Variants in MAGI2 observed in about 807,000 individuals in gnomAD.
MAGI2 encodes membrane associated guanylate kinase, WW and PDZ domain containing 2, also known as membrane-associated guanylate kinase, WW and PDZ domain-containing protein 2.
A neutral mutation model predicts 133.3 loss-of-function variants in MAGI2; 35 were observed. The ratio of observed to expected loss-of-function variants is 0.26; its 90% CI spans 0.20 to 0.35. MAGI2 has a LOEUF of 0.35. Ranked by LOEUF, MAGI2 falls within the 10% of genes least tolerant of loss-of-function variation. The pLI is 1.00. For synonymous variants in MAGI2, 729 were observed against 710.6 expected (o/e 1.03, Z -0.41); for missense variants, 1,636 against 1,863.4 (o/e 0.88, Z 2.25).
At chr7:78,491,687 C>T (rs1793617926) in intron 5 of MAGI2, among the ~76,000 whole-genome samples, 5 of 151,986 alleles carry the variant, frequency 3.3e-5, no homozygotes, top group Non-Finnish European at 7.4e-5. Flanking sequence ...TCATCTGGTT[C>T]TGGCCCTCGT....
intron 2 of MAGI2, among the ~76,000 whole-genome samples, chr7:78,747,233 G>A (rs1823007524): frequency 6.6e-6 from 1 of 152,070 alleles, no homozygotes; most frequent in Admixed American, 6.6e-5. Flanking sequence ...TCTCTCAAAA[G>A]GGATTAAATA....
chr7:78,543,285 A>C (rs896885053), intron 3 of MAGI2, among the ~76,000 whole-genome samples: 1 of 152,222 alleles, frequency 6.6e-6, no homozygotes, highest in African/African-American at 2.4e-5. Flanking sequence ...AGTTTACTTC[A>C]TCACAATGAA....
intron 9 of MAGI2, among the ~76,000 whole-genome samples, chr7:78,299,465 A>AGAT (rs1797637372): frequency 6.6e-6 from 1 of 152,220 alleles, no homozygotes; most frequent in African/African-American, 2.4e-5. Flanking sequence ...AGTTTAAAGT[A>AGAT]GATACAAAAT....
intron 6 of MAGI2, among the ~76,000 whole-genome samples, chr7:78,440,160 TC>T (rs1787467631): frequency 4.6e-5 from 7 of 151,990 alleles, no homozygotes; most frequent in Non-Finnish European, 1.0e-4. Context: ...TGCCATAGAT[TC>T]TGACTATCTG....
chr7:78,875,073 A>AG (rs1401622409), intron 2 of MAGI2, among the ~76,000 whole-genome samples: 2 of 151,954 alleles, frequency 1.3e-5, no homozygotes, highest in Non-Finnish European at 2.9e-5. Flanking sequence ...GAAGCAAAAA[A>AG]GCTGCAGAAA....
intron 3 of MAGI2, among the ~76,000 whole-genome samples, chr7:78,573,368 ATATATATAT>A (rs1801916156): frequency 4.6e-4 from 4 of 8,676 alleles, no homozygotes; most frequent in African/African-American, 1.4e-3. Flanking sequence ...TCCTGGAAAT[ATATATATAT>A]ATATATATAT....
chr7:78,041,423 C>T (rs1810828290), intron 21 of MAGI2, among the ~76,000 whole-genome samples: 1 of 152,140 alleles, frequency 6.6e-6, no homozygotes, highest in African/African-American at 2.4e-5. Flanking sequence ...CGCCTGTAAT[C>T]CCAACACTCT....
chr7:79,259,102 A>G (rs546071531), intron 1 of MAGI2, among the ~76,000 whole-genome samples: 1 of 152,372 alleles, frequency 6.6e-6, no homozygotes, highest in East Asian at 1.9e-4. Context: ...TAGGGACCAC[A>G]GACCAAACTT....
intron 3 of MAGI2, among the ~76,000 whole-genome samples, chr7:78,539,916 C>T (rs909546608): frequency 2.0e-5 from 3 of 152,186 alleles, no homozygotes; most frequent in East Asian, 3.8e-4. Flanking sequence ...GCCTCGGGTT[C>T]GCCAGGATGT....
chr7:79,190,837 A>G (rs1025823786), intron 1 of MAGI2, among the ~76,000 whole-genome samples: 6 of 151,820 alleles, frequency 4.0e-5, no homozygotes, highest in Non-Finnish European at 8.8e-5. Flanking sequence ...TTTAAAAATA[A>G]GTTCTTGATT....
At chr7:78,961,298 T>C (rs568709780) in intron 2 of MAGI2, among the ~76,000 whole-genome samples, 1 of 152,198 alleles carries the variant, frequency 6.6e-6, no homozygotes, top group East Asian at 1.9e-4. Context: ...ATCCCTGCCC[T>C]GTGCAGCCCC....
intron 3 of MAGI2, among the ~76,000 whole-genome samples, chr7:78,619,261 GT>G (rs1428067889): frequency 6.6e-6 from 1 of 151,780 alleles, no homozygotes; most frequent in Admixed American, 6.6e-5. Flanking sequence ...AGACATGAGT[GT>G]AAGAAAAATG....
intron 14 of MAGI2, among the ~76,000 whole-genome samples, chr7:78,176,602 G>C (rs1826638473): frequency 6.6e-6 from 1 of 152,108 alleles, no homozygotes; most frequent in Non-Finnish European, 1.5e-5. Flanking sequence ...CTCTGAGACA[G>C]TTTTAACCGT....
At chr7:78,139,005 G>A (rs1271350660) in intron 16 of MAGI2, among the ~76,000 whole-genome samples, 1 of 152,178 alleles carries the variant, frequency 6.6e-6, no homozygotes, top group Non-Finnish European at 1.5e-5. Flanking sequence ...ACTGTAAACA[G>A]AATTATTTGC....
chr7:79,406,877 G>A (rs551321343), intron 1 of MAGI2, among the ~76,000 whole-genome samples: 3 of 152,100 alleles, frequency 2.0e-5, no homozygotes, highest in Non-Finnish European at 4.4e-5. Context: ...TTTTCCAGAA[G>A]TGTCTATTAA....
chr7:79,158,966 C>T (rs931049927), intron 1 of MAGI2, among the ~76,000 whole-genome samples: 6 of 151,754 alleles, frequency 4.0e-5, no homozygotes, highest in South Asian at 2.1e-4. Context: ...AGGTTTTATA[C>T]CTTTTACCTT....
intron 2 of MAGI2, among the ~76,000 whole-genome samples, chr7:78,899,838 TG>T (rs1223997037): frequency 6.6e-6 from 1 of 152,190 alleles, no homozygotes; most frequent in Non-Finnish European, 1.5e-5. Context: ...GAATTACCAA[TG>T]GGCAAAGGTA....
At chr7:79,225,747 A>G (rs1195789282) in intron 1 of MAGI2, among the ~76,000 whole-genome samples, 1 of 152,210 alleles carries the variant, frequency 6.6e-6, no homozygotes, top group South Asian at 2.1e-4. Context: ...GAGAATTCTC[A>G]TTGGTCAATG....
At chr7:78,152,516 T>C (rs1243697814) in intron 16 of MAGI2, among the ~76,000 whole-genome samples, 1 of 152,210 alleles carries the variant, frequency 6.6e-6, no homozygotes, top group Non-Finnish European at 1.5e-5. Context: ...TTAGCAACGA[T>C]CTACCACTCC....
Sources: gnomAD v4.1 joint callset for allele counts (sites outside exome capture counted in the v4.1 genomes callset) on GRCh38, gnomAD v4.1.1 for gene constraint, MANE v1.5 for transcripts, NCBI Gene and HGNC (gene_info 2026-07-23, HGNC 2026-07-21) for gene names.